The following CWC27 variants were observed in gnomAD, a reference collection of about 807,000 sequenced individuals.
The protein encoded by CWC27 is spliceosome-associated protein CWC27 homolog.
CWC27 carries 47 observed loss-of-function variants against 63.6 expected under a neutral mutation model. That is an observed-to-expected ratio of 0.74 (90% CI 0.58 to 0.94). CWC27 has a LOEUF of 0.94. CWC27 is among the 40% of genes least tolerant of loss of function. The pLI is 0.00. For missense variants in CWC27, 495 were observed against 554.3 expected, an observed-to-expected ratio of 0.89 and a Z score of 1.07; for synonymous variants, 175 against 179.8, an observed-to-expected ratio of 0.97 and a Z score of 0.22.
At position 64,885,606 on chromosome 5, in the gene CWC27, G is replaced by T. The variant is rs531221269; in HGVS notation, c.1042+60G>T. Reference sequence around the variant, plus strand: ...ATACTCCTCCTTCTCTGTTTTCTTAGCTCCTCCCTGCCCGCTCCCGTATTC... The same window carrying T: ...ATACTCCTCCTTCTCTGTTTTCTTATCTCCTCCCTGCCCGCTCCCGTATTC... On this transcript the variant is annotated intron_variant, in intron 11 of 13. Coordinates refer to ENST00000381070, the MANE Select transcript of CWC27 (RefSeq NM_005869.4). The T allele has an allele frequency of 2.4e-5, 30 of 1,237,820 alleles. 1 individual carries two copies. The Admixed American group carries it at 5.1e-4, about 21-fold the overall frequency. The allele number at this position is 1,237,820 out of a possible 1,614,324, so 76.7% of individuals were successfully genotyped here.
chr5:64,840,387 A>AT (rs1745787397), intron 10 of CWC27, among the ~76,000 whole-genome samples: 3 of 52,926 alleles, frequency 5.7e-5, no homozygotes, highest in Admixed American at 2.1e-4. Flanking sequence ...AAAAAAAAAA[A>AT]AAAAAAAATA....
chr5:64,779,399 T>C (rs1743577446), intron 2 of CWC27, among the ~76,000 whole-genome samples: 1 of 152,224 alleles, frequency 6.6e-6, no homozygotes, highest in African/African-American at 2.4e-5. Context: ...ATAATAGCTT[T>C]TGTTTATTCA....
intron 11 of CWC27, among the ~76,000 whole-genome samples, chr5:64,949,541 A>G (rs1748661352): frequency 6.6e-6 from 1 of 151,978 alleles, no homozygotes; most frequent in Non-Finnish European, 1.5e-5. Flanking sequence ...AAACACGATC[A>G]TGTGTCAATC....
chr5:64,885,739 T>TGTGTGTGTGTGTG (rs1427858737), intron 11 of CWC27, among the ~76,000 whole-genome samples, 193 bp downstream of exon 11: 153 of 24,300 alleles, frequency 6.3e-3, no homozygotes, highest in Middle Eastern at 0.038. Flanking sequence ...GTGTGTGTGT[T>TGTGTGTGTGTGTG]TTTAATACTT....
At chr5:64,781,581 GATAACC>G (rs1424763979) in intron 2 of CWC27, among the ~76,000 whole-genome samples, 1 of 152,100 alleles carries the variant, frequency 6.6e-6, no homozygotes, top group Non-Finnish European at 1.5e-5. Flanking sequence ...CCCCATTTGT[GATAACC>G]AAAAATATTT....
At chr5:64,858,471 A>T (rs1681799417) in intron 10 of CWC27, among the ~76,000 whole-genome samples, 1 of 61,524 alleles carries the variant, frequency 1.6e-5, no homozygotes, top group Non-Finnish European at 3.3e-5. Context: ...CAAAATAATA[A>T]TAATAATAAT....
chr5:64,985,481 A>G (rs1248746591), intron 13 of CWC27, among the ~76,000 whole-genome samples: 1 of 152,140 alleles, frequency 6.6e-6, no homozygotes, highest in African/African-American at 2.4e-5. Context: ...GCAGTACCCT[A>G]CACATGTGTT....
At chr5:64,831,708 A>G (rs1435767634) in intron 10 of CWC27, among the ~76,000 whole-genome samples, 1 of 151,952 alleles carries the variant, frequency 6.6e-6, no homozygotes, top group East Asian at 1.9e-4. Context: ...GTACCCCTTG[A>G]ACCTAAAATA....
chr5:64,915,646 C>T lies in CWC27; in HGVS notation c.1042+30100C>T, dbSNP rs531843909. On this transcript the variant is annotated intron_variant, in intron 11 of 13. Coordinates refer to ENST00000381070, the MANE Select transcript of CWC27 (RefSeq NM_005869.4). ...CCCAACTATGTCTTACTCCCAGGGT[C>T]CTCTCAGCAGCCTTCTCTGGTTGGC... Among the ~76,000 whole-genome samples the T allele has an allele frequency of 3.2e-4, 48 of 152,224 alleles. 1 individual carries two copies. The South Asian group carries it at 5.0e-3, about 16-fold the overall frequency.
chr5:64,859,353 G>T (rs1470403464), intron 10 of CWC27, among the ~76,000 whole-genome samples: 1 of 152,134 alleles, frequency 6.6e-6, no homozygotes, highest in African/African-American at 2.4e-5. Context: ...AGGAGGTTGG[G>T]TTAGACAGGT....
At chr5:64,927,559 T>A (rs1748143151) in intron 11 of CWC27, among the ~76,000 whole-genome samples, 1 of 152,190 alleles carries the variant, frequency 6.6e-6, no homozygotes. Flanking sequence ...GGTGCCTAGT[T>A]CTTCTTAAGG....
chr5:64,976,215 G>A (rs1168857411), intron 12 of CWC27, among the ~76,000 whole-genome samples: 2 of 152,056 alleles, frequency 1.3e-5, no homozygotes, highest in Non-Finnish European at 2.9e-5. Flanking sequence ...CACATCTTGT[G>A]CGTAAGCCAT....
chr5:64,923,532 G>T (rs762370714), intron 11 of CWC27, among the ~76,000 whole-genome samples: 13 of 149,252 alleles, frequency 8.7e-5, no homozygotes, highest in Admixed American at 1.3e-4. Flanking sequence ...CGGTGCATCT[G>T]TCAGAGGGTC....
chr5:64,811,254 A>G (rs1251519393), intron 10 of CWC27, among the ~76,000 whole-genome samples: 1 of 152,076 alleles, frequency 6.6e-6, no homozygotes, highest in Non-Finnish European at 1.5e-5. Flanking sequence ...CAAGTTGATC[A>G]TGTAAATCAG....
chr5:64,804,006 C>T lies in CWC27; in HGVS notation c.781-223C>T, dbSNP rs13355302. On this transcript the variant is annotated intron_variant, in intron 9 of 13. Transcript: ENST00000381070. Reference sequence around the variant, plus strand: ...GGCATGAGTTGAGCGAACAGCCTTTCCTGGGGTATCCCATAATTACATAGT... The same window carrying T: ...GGCATGAGTTGAGCGAACAGCCTTTTCTGGGGTATCCCATAATTACATAGT... Among the ~76,000 whole-genome samples the T allele has an allele frequency of 9.3e-3, 1,412 of 152,180 alleles. 29 individuals carry two copies. The highest frequency in any genetic ancestry group is 0.033 in the African/African-American group (1,364 of 41,516).
chr5:64,803,465 G>A (rs1366923002), intron 9 of CWC27, among the ~76,000 whole-genome samples: 1 of 152,134 alleles, frequency 6.6e-6, no homozygotes, highest in African/African-American at 2.4e-5. Context: ...AATATATGGT[G>A]TATCAGATAG....
intron 11 of CWC27, among the ~76,000 whole-genome samples, chr5:64,932,349 C>A (rs1748255002): frequency 6.6e-6 from 1 of 151,706 alleles, no homozygotes; most frequent in East Asian, 1.9e-4. Flanking sequence ...ATCTCAATGG[C>A]CAATAGGACT....
At chr5:64,964,585 A>T (rs190537642) in intron 11 of CWC27, among the ~76,000 whole-genome samples, 11 of 152,348 alleles carry the variant, frequency 7.2e-5, no homozygotes, top group African/African-American at 2.6e-4. Flanking sequence ...GACACAAAGA[A>T]GCATTAAGTT....
chr5:64,869,854 A>G (rs1475809285), intron 10 of CWC27, among the ~76,000 whole-genome samples: 1 of 151,466 alleles, frequency 6.6e-6, no homozygotes, highest in Non-Finnish European at 1.5e-5. Flanking sequence ...TCAGTTTGGG[A>G]TTTTTTTTTC....
Sources: allele counts gnomAD v4.1 joint callset (sites outside exome capture counted in the v4.1 genomes callset), GRCh38; gene constraint gnomAD v4.1.1; transcripts MANE v1.5; gene names NCBI Gene and HGNC (gene_info 2026-07-23, HGNC 2026-07-21).